PTPRN2: variants seen among roughly 807,000 people sequenced by gnomAD.
PTPRN2 encodes protein tyrosine phosphatase receptor type N2.
In PTPRN2, 74 loss-of-function variants were observed where a neutral mutation model predicts 118.8. That is an observed-to-expected ratio of 0.62 (90% confidence interval 0.52 to 0.76). PTPRN2 has a LOEUF of 0.76. Ranked by LOEUF, PTPRN2 falls within the 30% of genes least tolerant of loss-of-function variation. The pLI is 0.00. For synonymous variants in PTPRN2, 641 were observed against 608.0 expected, an observed-to-expected ratio of 1.05 and a Z score of -0.80; for missense variants, 1,481 against 1,394.4, an observed-to-expected ratio of 1.06 and a Z score of -0.99.
At chr7:158,486,169 C>T (rs563436978) in intron 2 of PTPRN2, among the ~76,000 whole-genome samples, 7 of 152,364 alleles carry the variant, frequency 4.6e-5, no homozygotes, top group African/African-American at 1.4e-4. Flanking sequence ...CATCAGATTG[C>T]CGGGTCACGG....
chr7:157,898,486 G>A (rs190243305), intron 12 of PTPRN2, among the ~76,000 whole-genome samples, 187 bp downstream of exon 12: 3 of 152,214 alleles, frequency 2.0e-5, no homozygotes, highest in South Asian at 2.1e-4. Flanking sequence ...CATTGAACTC[G>A]CCAGGCACGT....
intron 2 of PTPRN2, among the ~76,000 whole-genome samples, chr7:158,333,394 C>G (rs1349292927): frequency 2.1e-5 from 3 of 146,046 alleles, no homozygotes; most frequent in Non-Finnish European, 4.5e-5. Flanking sequence ...AGAGGTGACA[C>G]CTGCAGACGT....
chr7:158,105,237 T>C (rs62480193), intron 10 of PTPRN2, among the ~76,000 whole-genome samples: 2 of 80,116 alleles, frequency 2.5e-5, no homozygotes, highest in Non-Finnish European at 3.3e-5. Context: ...TCAAACTCCA[T>C]CCCAACTCCA....
At chr7:158,293,924 G>A (rs546619011) in intron 3 of PTPRN2, among the ~76,000 whole-genome samples, 3 of 152,284 alleles carry the variant, frequency 2.0e-5, no homozygotes, top group Non-Finnish European at 4.4e-5. Flanking sequence ...GCCTTCTGCC[G>A]GCATATCTCC....
rs1476192499 is a variant in PTPRN2, at chr7:157,953,179, C to T, written c.1724-54442G>A. Among the ~76,000 whole-genome samples, 4 of 152,166 alleles carry T rather than the reference C, an allele frequency of 2.6e-5. No homozygotes were observed. The highest frequency in any genetic ancestry group is 2.1e-4 in the South Asian group (1 of 4,818). ...GTGCATGCACCATGTTGACTGTACCCGTGTGCAGCTTGCACAGAGTCCCCA... is the reference window on the plus strand; with the variant it reads ...GTGCATGCACCATGTTGACTGTACCTGTGTGCAGCTTGCACAGAGTCCCCA... On this transcript the variant is annotated intron_variant, in intron 11 of 22. Coordinates refer to ENST00000389418, the MANE Select transcript of PTPRN2 (RefSeq NM_002847.5). The surrounding 1 kb of genome is among the most constrained non-coding windows in gnomAD (Gnocchi z 4.6).
chr7:157,597,520 A>G (rs1028354499), intron 16 of PTPRN2, among the ~76,000 whole-genome samples: 2 of 151,894 alleles, frequency 1.3e-5, no homozygotes, highest in African/African-American at 4.8e-5. Flanking sequence ...CTACAGCAAC[A>G]CATTTTAAAA....
chr7:158,437,900 A>C (rs1413468897), intron 2 of PTPRN2, among the ~76,000 whole-genome samples: 1 of 152,188 alleles, frequency 6.6e-6, no homozygotes, highest in Admixed American at 6.5e-5. Flanking sequence ...TTTGCAATGC[A>C]AACATCTATT....
intron 5 of PTPRN2, among the ~76,000 whole-genome samples, chr7:158,171,984 C>T (rs1469103827): frequency 1.3e-5 from 2 of 152,230 alleles, no homozygotes; most frequent in Non-Finnish European, 2.9e-5. Context: ...TCCGGCTGAG[C>T]ATCTCTGGGG....
At chr7:157,880,592 T>G (rs1796054704) in intron 12 of PTPRN2, among the ~76,000 whole-genome samples, 1 of 152,186 alleles carries the variant, frequency 6.6e-6, no homozygotes, top group Non-Finnish European at 1.5e-5. Context: ...TCTCCAGCTC[T>G]GAGGGCAGGC....
intron 11 of PTPRN2, among the ~76,000 whole-genome samples, chr7:157,975,426 C>T (rs1802667038): frequency 6.6e-6 from 1 of 152,186 alleles, no homozygotes; most frequent in Admixed American, 6.5e-5. Flanking sequence ...GCTCAGGTCA[C>T]CATTGTGTCC....
chr7:158,266,454 G>A (rs983021826), intron 3 of PTPRN2, among the ~76,000 whole-genome samples: 8 of 151,472 alleles, frequency 5.3e-5, no homozygotes, highest in Non-Finnish European at 1.0e-4. Flanking sequence ...CTGCTGCGGG[G>A]TGTTGTCTGG....
chr7:157,609,902 A>G lies in PTPRN2; in HGVS notation c.2345-5827T>C, dbSNP rs1245089794. On this transcript the variant is annotated intron_variant, in intron 15 of 22. Coordinates refer to ENST00000389418, the MANE Select transcript of PTPRN2 (RefSeq NM_002847.5). This position sits in a 1 kb window ranked among gnomAD's most constrained non-coding sequence, Gnocchi z 4.9. ...ATTTCTTGTTGATTATTACTATGGCAAAGAGCCTTGGGAGATGGCCCAGCT... is the reference window on the plus strand; with the variant it reads ...ATTTCTTGTTGATTATTACTATGGCGAAGAGCCTTGGGAGATGGCCCAGCT... Among the ~76,000 whole-genome samples, 1 of 152,222 alleles carries G rather than the reference A, an allele frequency of 6.6e-6. No homozygotes were observed. The highest frequency in any genetic ancestry group is 1.5e-5 in the Non-Finnish European group (1 of 68,032).
intron 2 of PTPRN2, among the ~76,000 whole-genome samples, chr7:158,379,910 C>T (rs984638613): frequency 1.2e-4 from 19 of 152,150 alleles, no homozygotes; most frequent in Admixed American, 6.5e-4. Flanking sequence ...AGTCACATCT[C>T]ACATGGATGA....
In PTPRN2 at chr7:157,831,431, G is replaced by A. The variant is rs1307512953; in HGVS notation, c.1788+67242C>T. Among the ~76,000 whole-genome samples, 2 of 152,200 alleles carry A rather than the reference G, an allele frequency of 1.3e-5. No homozygotes were observed. Among genetic ancestry groups the A allele is most frequent in the African/African-American group, 4.8e-5 (2 of 41,444 alleles). ...TGATGCGGGTTCTGTGTCCAGGGAA[G>A]AGCAGGGCAGGGCTGGGTGCATTTG... On this transcript the variant is annotated intron_variant, in intron 12 of 22. Coordinates refer to ENST00000389418, the MANE Select transcript of PTPRN2 (RefSeq NM_002847.5). The surrounding 1 kb of genome is among the most constrained non-coding windows in gnomAD (Gnocchi z 4.8).
chr7:157,958,500 A>G (rs990737588), intron 11 of PTPRN2, among the ~76,000 whole-genome samples: 2 of 152,258 alleles, frequency 1.3e-5, no homozygotes, highest in Non-Finnish European at 2.9e-5. Flanking sequence ...GTAGAAAATC[A>G]TAAAGATTTT....
chr7:157,569,740 G>A (rs1563221418), intron 20 of PTPRN2, among the ~76,000 whole-genome samples: 1 of 152,214 alleles, frequency 6.6e-6, no homozygotes, highest in Non-Finnish European at 1.5e-5. Context: ...CCGTGCAGAC[G>A]CTGTCACTGG....
chr7:158,133,535 C>T, intron 9 of PTPRN2, 142 bp downstream of exon 9: 1 of 1,213,626 alleles, frequency 8.2e-7, no homozygotes, highest in Non-Finnish European at 1.1e-6. Flanking sequence ...GCCTGAGACT[C>T]CAGGGATGCC....
rs115863109 is a variant in PTPRN2 at position 157,566,015 on chromosome 7, A to G, written c.2902+2887T>C. Among the ~76,000 whole-genome samples the G allele has an allele frequency of 2.6e-3, 398 of 152,336 alleles. 2 individuals are homozygous for G. Among genetic ancestry groups the G allele is most frequent in the African/African-American group, 9.1e-3 (377 of 41,578 alleles). ...TCGTCTACTTGCTGCTAAACTGGAC[A>G]GTAGAGAAAGAACTTCAACTATTCT... On this transcript the variant is annotated intron_variant, in intron 21 of 22. Transcript: ENST00000389418.
intron 1 of PTPRN2, among the ~76,000 whole-genome samples, chr7:158,568,242 CTCTG>C (rs1827775718): frequency 6.6e-6 from 1 of 152,024 alleles, no homozygotes; most frequent in Non-Finnish European, 1.5e-5. Flanking sequence ...AAGAGTGAGA[CTCTG>C]TCTAATAATA....
Sources: gnomAD v4.1 joint callset for allele counts (sites outside exome capture counted in the v4.1 genomes callset) on GRCh38, gnomAD v4.1.1 for gene constraint, Gnocchi (gnomAD v3.1) non-coding constraint, MANE v1.5 for transcripts, NCBI Gene and HGNC (gene_info 2026-07-23, HGNC 2026-07-21) for gene names.